CHD6: variants seen among roughly 807,000 people sequenced by gnomAD.
CHD6 encodes chromodomain helicase DNA binding protein 6, also known as ATP-dependent chromatin remodeler CHD6.
Under a neutral mutation model 276.9 loss-of-function variants are expected in CHD6, and 50 were observed. The observed-to-expected ratio is 0.18, with a 90% CI of 0.14 to 0.23. The LOEUF (loss-of-function observed/expected upper bound fraction) is 0.23. Ranked by LOEUF, CHD6 falls within the 10% of genes least tolerant of loss-of-function variation. CHD6 has a pLI of 1.00. For missense variants in CHD6, 2,564 were observed against 3,365.8 expected, an observed-to-expected ratio of 0.76 and a Z score of 5.89; for synonymous variants, 1,173 against 1,229.3, an observed-to-expected ratio of 0.95 and a Z score of 0.96.
At chr20:41,581,114 C>G (rs1231874775) in intron 1 of CHD6, among the ~76,000 whole-genome samples, 1 of 152,170 alleles carries the variant, frequency 6.6e-6, no homozygotes, top group Non-Finnish European at 1.5e-5. Context: ...TTGGATTTGT[C>G]TAATATTCAC....
chr20:41,569,523 C>T (rs1387212369), intron 1 of CHD6, among the ~76,000 whole-genome samples: 1 of 151,998 alleles, frequency 6.6e-6, no homozygotes, highest in South Asian at 2.1e-4. Context: ...GAATTCATGC[C>T]CAGAATGAGC....
chr20:41,451,114 G>A lies in CHD6; in HGVS notation c.3524-9C>T. On this transcript the variant is annotated splice_polypyrimidine_tract_variant and intron_variant, in intron 22 of 36. Transcript: ENST00000373233. ...GACTGGGGCAGATAAGCCTGAAACAGAAAGACAGCATAGGGCAAGTGGATA... is the reference window on the plus strand; with the variant it reads ...GACTGGGGCAGATAAGCCTGAAACAAAAAGACAGCATAGGGCAAGTGGATA... The A allele has an allele frequency of 6.2e-7, 1 of 1,612,800 alleles. No homozygotes were observed. The highest frequency in any genetic ancestry group is 8.5e-7 in the Non-Finnish European group (1 of 1,179,212).
chr20:41,512,613 TA>T (rs1011834745), intron 5 of CHD6, among the ~76,000 whole-genome samples: 5 of 151,900 alleles, frequency 3.3e-5, no homozygotes, highest in African/African-American at 9.7e-5. Context: ...ATTGTTTATC[TA>T]AAAAAATGAA....
intron 1 of CHD6, chr20:41,564,100 C>T (rs1343805659): frequency 3.9e-6 from 3 of 778,470 alleles, no homozygotes; most frequent in Non-Finnish European, 7.2e-6. Flanking sequence ...GTCTCAGTTT[C>T]TTCATTTACA....
chr20:41,556,878 A>G, intron 1 of CHD6, among the ~76,000 whole-genome samples: 1 of 152,376 alleles, frequency 6.6e-6, no homozygotes, highest in Middle Eastern at 3.4e-3. Context: ...ACATTAAAAA[A>G]TACATAAAAC....
chr20:41,458,569 T>C (rs951715822), intron 17 of CHD6, among the ~76,000 whole-genome samples: 24 of 152,164 alleles, frequency 1.6e-4, no homozygotes, highest in African/African-American at 5.8e-4. Context: ...TAGGTGTATA[T>C]GTATATATAC....
intron 23 of CHD6, among the ~76,000 whole-genome samples, chr20:41,448,854 A>G (rs1289418610): frequency 2.0e-5 from 3 of 152,172 alleles, no homozygotes; most frequent in Non-Finnish European, 4.4e-5. Flanking sequence ...TATCTCTGGT[A>G]TAACATTTCT....
At chr20:41,456,114 C>A in intron 18 of CHD6, 135 bp from the exon 19 acceptor site, 1 of 776,360 alleles carries the variant, frequency 1.3e-6, no homozygotes. Flanking sequence ...GGGCAACAAA[C>A]TTCAGCTAGT....
chr20:41,411,490 G>A (rs920896719), intron 36 of CHD6, among the ~76,000 whole-genome samples: 2 of 152,158 alleles, frequency 1.3e-5, no homozygotes, highest in African/African-American at 4.8e-5. Flanking sequence ...GTGCTTTTAG[G>A]AGGCTAAAAG....
At chr20:41,417,919 A>G (rs2047055460) in intron 31 of CHD6, among the ~76,000 whole-genome samples, 1 of 152,274 alleles carries the variant, frequency 6.6e-6, no homozygotes, top group Non-Finnish European at 1.5e-5. Context: ...AGCTTCAGTA[A>G]TGGTGAAAGT....
chr20:41,527,705 G>A (rs991546299), intron 3 of CHD6, among the ~76,000 whole-genome samples: 4 of 152,182 alleles, frequency 2.6e-5, no homozygotes, highest in Non-Finnish European at 4.4e-5. Context: ...AACTGTTGTT[G>A]AGCACAGATC....
In CHD6 at chr20:41,416,711, G is replaced by A. The variant is rs1316209750; in HGVS notation, c.6363C>T (p.Pro2121=). 1 of 1,613,838 alleles carries A rather than the reference G, an allele frequency of 6.2e-7. No homozygotes were observed. Among genetic ancestry groups the A allele is most frequent in the East Asian group, 2.2e-5 (1 of 44,856 alleles). The change falls in exon 33 of 37, where the codon CCC becomes CCT. Residue 2121 remains proline (P), a synonymous_variant. Transcript: ENST00000373233. ...GKWPSSQQYE[P]SGTLPTPVLT... The stretch of plus-strand genomic sequence containing the variant: ...ATACCGGGGTGGGCAGTGTGCCTGA[G>A]GGCTCATACTGCTGGCTAGAGGGCC...
Position 41,499,351 on chromosome 20 carries a change from G to A in CHD6, c.859C>T (p.Pro287Ser), listed in dbSNP as rs2043775037. 1 of 1,600,554 alleles carries A rather than the reference G, an allele frequency of 6.2e-7. No homozygotes were observed. Among genetic ancestry groups the A allele is most frequent in the Non-Finnish European group, 8.5e-7 (1 of 1,173,070 alleles). The change falls in exon 6 of 37, where the codon CCA becomes TCA. Residue 287 changes from proline (P) to serine (S), a missense_variant. Pro to Ser is a moderately conservative substitution (Grantham distance 74, BLOSUM62 -1). Coordinates refer to ENST00000373233, the MANE Select transcript of CHD6 (RefSeq NM_032221.5). Reference protein sequence around the residue: ...STLAWQAEEPPEDDANIIEKI... With the variant: ...STLAWQAEEPSEDDANIIEKI... ...TCAATGATGTTTGCATCATCTTCTG[G>A]AGGCTCCTGGGGACAAAGATAAAAA...
intron 27 of CHD6, 142 bp from the exon 28 acceptor site, chr20:41,426,295 A>G: frequency 1.4e-6 from 1 of 708,396 alleles, no homozygotes; most frequent in Non-Finnish European, 2.6e-6. Context: ...ATAGGACCTG[A>G]TAAAGCTTAC....
chr20:41,590,631 A>G (rs1326814927), intron 1 of CHD6, among the ~76,000 whole-genome samples: 1 of 152,252 alleles, frequency 6.6e-6, no homozygotes, highest in African/African-American at 2.4e-5. Context: ...ACTGGCCATC[A>G]GAGAAATGCA....
At chr20:41,487,177 G>C (rs761084826) in intron 14 of CHD6, among the ~76,000 whole-genome samples, 4 of 152,322 alleles carry the variant, frequency 2.6e-5, no homozygotes, top group East Asian at 1.9e-4. Flanking sequence ...AAATGCAGTT[G>C]ATCTGGACAA....
intron 28 of CHD6, 62 bp from the exon 29 acceptor site, chr20:41,425,456 T>A (rs2047332654): frequency 4.8e-6 from 7 of 1,453,874 alleles, no homozygotes; most frequent in Middle Eastern, 2.4e-4. Context: ...GTGACTGTCT[T>A]TTGGTTTTGT....
At chr20:41,485,660 G>A (rs745433151) in intron 14 of CHD6, 3 of 152,042 alleles carry the variant, frequency 2.0e-5, no homozygotes, top group Non-Finnish European at 4.4e-5. Flanking sequence ...TCATAGAGCA[G>A]AGATTAGAGT....
At position 41,577,687 on chromosome 20, in the gene CHD6, T is replaced by C. The variant is rs542865487; in HGVS notation, c.-23-26327A>G. Among the ~76,000 whole-genome samples, 8 of 152,042 alleles carry C rather than the reference T, an allele frequency of 5.3e-5. No homozygotes were observed. The South Asian group carries it at 8.3e-4, about 16-fold the overall frequency. On this transcript the variant is annotated intron_variant, in intron 1 of 36. Coordinates refer to ENST00000373233, the MANE Select transcript of CHD6 (RefSeq NM_032221.5). ...ACAAAACAAATATATGTGTAGATTA[T>C]TGTATGTTGAATAAACAGATTATCT... is the stretch of plus-strand genomic sequence containing the variant.
Sources: gnomAD v4.1 joint callset for allele counts (sites outside exome capture counted in the v4.1 genomes callset) on GRCh38, gnomAD v4.1.1 for gene constraint, MANE v1.5 for transcripts, NCBI Gene and HGNC (gene_info 2026-07-23, HGNC 2026-07-21) for gene names.